Variants in GLYCTK observed in about 807,000 individuals in gnomAD.
GLYCTK encodes the protein HBeAg binding protein 4.
A neutral mutation model predicts 24.8 loss-of-function variants in GLYCTK; 22 were observed. The observed-to-expected ratio is 0.89, with a 90% confidence interval of 0.63 to 1.27. The LOEUF (loss-of-function observed/expected upper bound fraction) is 1.27, where lower values mean the gene tolerates loss of function less well. Ranked by LOEUF, GLYCTK falls within the 50% of genes most tolerant of loss-of-function variation. The probability of loss-of-function intolerance (pLI) is 0.00; values close to 1 mark genes in which losing one functional copy is unlikely to be tolerated. For synonymous variants in GLYCTK, 320 were observed against 297.2 expected, an observed-to-expected ratio of 1.08 and a Z score of -0.79; for missense variants, 684 against 686.7, an observed-to-expected ratio of 1.00 and a Z score of 0.04.
rs761715128 is a variant in GLYCTK, at chr3:52,293,765, C to T, written c.*639C>T. The T allele has an allele frequency of 1.3e-5, 6 of 453,550 alleles. No individual in the cohort carries two copies. The highest frequency in any genetic ancestry group is 1.6e-5 in the South Asian group (1 of 64,436). The allele number at this position is 453,550 out of a possible 1,614,324, so 28.1% of individuals were successfully genotyped here. On this transcript the variant is annotated 3_prime_UTR_variant, in exon 5 of 5. Coordinates refer to ENST00000436784, the MANE Select transcript of GLYCTK (RefSeq NM_145262.4). ...GTGACCAGCCACCCACCCACCCAAC[C>T]ATGACTCCACCATGGCACTGTCACC...
In GLYCTK at chr3:52,290,552, G is replaced by A; in HGVS notation, c.210G>A (p.Val70=). The A allele has an allele frequency of 3.1e-6, 5 of 1,613,764 alleles. No homozygotes were observed. The highest frequency in any genetic ancestry group is 4.2e-6 in the Non-Finnish European group (5 of 1,180,036). Residue 70 remains valine (V), a synonymous_variant, in exon 2 of 5, where the codon GTG becomes GTA. Coordinates refer to ENST00000436784, the MANE Select transcript of GLYCTK (RefSeq NM_145262.4). ...ACCCTGGTGGCAGACAGCTGAAGGT[G>A]CGGGACCGGAACTTTCAGCTGAGGC... ...SLDPGGRQLK[V]RDRNFQLRQN... is the part of the protein sequence containing the mutation.
At position 52,294,349 on chromosome 3, in the gene GLYCTK, C is replaced by T. The variant is rs750758592; in HGVS notation, c.*1223C>T. The T allele has an allele frequency of 7.5e-6, 4 of 533,970 alleles. No individual in the cohort carries two copies. Among genetic ancestry groups the T allele is most frequent in the Non-Finnish European group, 1.5e-5 (4 of 259,946 alleles). The allele number at this position is 533,970 out of a possible 1,614,324, so 33.1% of individuals were successfully genotyped here. A position where few individuals can be genotyped will look rare whatever the true frequency, so the allele number is the denominator to read the frequency against. On this transcript the variant is annotated 3_prime_UTR_variant, in exon 5 of 5. Transcript: ENST00000436784. ...GGCACTTCTTCCACCCCAACCCTCCCCTCCTCCCTGAGGGTGTGGAGGGGC... is the reference window on the plus strand; with the variant it reads ...GGCACTTCTTCCACCCCAACCCTCCTCTCCTCCCTGAGGGTGTGGAGGGGC...
chr3:52,288,619 T>A (rs1486340071), intron 1 of GLYCTK: 1 of 152,240 alleles, frequency 6.6e-6, no homozygotes, highest in Non-Finnish European at 1.5e-5. Flanking sequence ...AAATTCAAAT[T>A]TAACCGGAAG....
At position 52,293,150 on chromosome 3, in the gene GLYCTK, T is replaced by G; in HGVS notation, c.*24T>G. 1 of 1,612,252 alleles carries G rather than the reference T, an allele frequency of 6.2e-7. No individual in the cohort carries two copies. The highest frequency in any genetic ancestry group is 1.6e-4 in the Middle Eastern group (1 of 6,062). ...GATGGCATAGGTCACATTTTGGGAG[T>G]TCAGAGGAGGCCTACAAGGGCAAGG... On this transcript the variant is annotated 3_prime_UTR_variant, in exon 5 of 5. Coordinates refer to ENST00000436784, the MANE Select transcript of GLYCTK (RefSeq NM_145262.4).
In GLYCTK at chr3:52,292,561, C is replaced by A. The variant is rs1424253379; in HGVS notation, c.1007C>A (p.Ala336Asp). ...TACCAGGCTGTGGTGCTGAGTGCAG[C>A]CATGCAAGGTGATGTAAAAAGTATG... ...LGYQAVVLSA[A>D]MQGDVKSMAQ... The change falls in exon 5 of 5, where the codon GCC (alanine) becomes GAC (aspartate). Residue 336 changes from alanine (A) to aspartate (D), a missense_variant. Transcript: ENST00000436784. The A allele has an allele frequency of 6.2e-7, 1 of 1,613,890 alleles. No individual in the cohort carries two copies. Among genetic ancestry groups the A allele is most frequent in the African/African-American group, 1.3e-5 (1 of 74,948 alleles).
At position 52,294,925 on chromosome 3, in the gene GLYCTK, A is replaced by G. The variant is rs761267874; in HGVS notation, c.*1799A>G. On this transcript the variant is annotated 3_prime_UTR_variant, in exon 5 of 5. Transcript: ENST00000436784. ...AGTGGGAATGCATCTCTGAGTGTAC[A>G]CATAGATACTTAGTACAGGGCACAT... 4.4e-6 allele frequency: 2 copies of G among 454,118 alleles called. No individual in the cohort carries two copies. The highest frequency in any genetic ancestry group is 1.6e-5 in the South Asian group (1 of 64,480). 28.1% of individuals were successfully genotyped at this position (454,118 alleles called of 1,614,324 possible).
chr3:52,288,584 AC>A (rs1417693822), intron 1 of GLYCTK: 1 of 152,246 alleles, frequency 6.6e-6, no homozygotes, highest in African/African-American at 2.4e-5. Flanking sequence ...ACATACTTAT[AC>A]TTTAAAAATT....
Position 52,293,845 on chromosome 3 carries a change from T to C in GLYCTK, c.*719T>C. 6.6e-6 allele frequency: 3 copies of C among 454,122 alleles called. No individual in the cohort carries two copies. Among genetic ancestry groups the C allele is most frequent in the Non-Finnish European group, 1.3e-5 (3 of 226,772 alleles). The allele number at this position is 454,122 out of a possible 1,614,324, so 28.1% of individuals were successfully genotyped here. ...TCGTTGGATGGATGTCCTTTCTGTC[T>C]TTGGACAGCCCTTAGCCACATACTG... On this transcript the variant is annotated 3_prime_UTR_variant, in exon 5 of 5. Coordinates refer to ENST00000436784, the MANE Select transcript of GLYCTK (RefSeq NM_145262.4).
Position 52,292,958 on chromosome 3 carries a change from G to A in GLYCTK, c.1404G>A (p.Glu468=). Residue 468 remains glutamate, a synonymous_variant, in exon 5 of 5, where the codon GAG becomes GAA. Coordinates refer to ENST00000436784, the MANE Select transcript of GLYCTK (RefSeq NM_145262.4). ...TEAAGAWVTP[E]LASQAAAEGL... ...CTGCTGGGGCCTGGGTCACACCTGA[G>A]CTTGCCAGCCAGGCTGCAGCTGAGG... The A allele has an allele frequency of 6.2e-7, 1 of 1,614,076 alleles. No homozygotes were observed. Among genetic ancestry groups the A allele is most frequent in the Non-Finnish European group, 8.5e-7 (1 of 1,180,000 alleles).
At chr3:52,289,280 G>A (rs1295361958) in intron 1 of GLYCTK, 1 of 152,230 alleles carries the variant, frequency 6.6e-6, no homozygotes, top group Admixed American at 6.5e-5. Flanking sequence ...CAGATGAGCT[G>A]TTTGGGTCTT....
In GLYCTK at chr3:52,292,371, C is replaced by T. The variant is rs763764465; in HGVS notation, c.817C>T (p.Arg273Cys). The change falls in exon 5 of 5, where the codon CGC (arginine) becomes TGC (cysteine). Residue 273 changes from arginine (R) to cysteine (C), a missense_variant. Transcript: ENST00000436784. ...NVQDCLHILNRYGLRAALPRS... is the reference protein window; with the variant it reads ...NVQDCLHILNCYGLRAALPRS... ...GCAAGATTGCCTGCATATCCTCAAT[C>T]GCTACGGCCTCCGTGCAGCCCTGCC... The T allele has an allele frequency of 4.8e-5, 78 of 1,614,030 alleles. No homozygotes were observed. Among genetic ancestry groups the T allele is most frequent in the Admixed American group, 1.7e-4 (10 of 60,018 alleles).
In GLYCTK at chr3:52,294,446, G is replaced by A. The variant is rs1700581832; in HGVS notation, c.*1320G>A. ...CCCCACCTGGGCTCTGGGCAGCCTA[G>A]CTTGCAGACAGTTCATGACCTGGGG... is the stretch of plus-strand genomic sequence containing the variant. On this transcript the variant is annotated 3_prime_UTR_variant, in exon 5 of 5. Transcript: ENST00000436784. 1 of 440,174 alleles carries A rather than the reference G, an allele frequency of 2.3e-6. No homozygotes were observed. The highest frequency in any genetic ancestry group is 1.6e-5 in the South Asian group (1 of 61,378). The allele number at this position is 440,174 out of a possible 1,614,324, so 27.3% of individuals were successfully genotyped here. A position where few individuals can be genotyped will look rare whatever the true frequency, so the allele number is the denominator to read the frequency against.
chr3:52,292,289 G>A lies in GLYCTK; in HGVS notation c.735G>A (p.Val245=), dbSNP rs1226707555. The change falls in exon 5 of 5, where the codon GTG becomes GTA. Residue 245 remains valine (V), a synonymous_variant. Transcript: ENST00000436784. The part of the protein sequence containing the change: ...QVVSLILSDV[V]GDPVEVIASG... ...TGAGCCTCATCCTGTCAGATGTGGTGGGGGACCCTGTGGAGGTGATTGCCA... is the reference window on the plus strand; with the variant it reads ...TGAGCCTCATCCTGTCAGATGTGGTAGGGGACCCTGTGGAGGTGATTGCCA... 3.1e-6 allele frequency: 5 copies of A among 1,613,978 alleles called. No homozygotes were observed. Among genetic ancestry groups the A allele is most frequent in the South Asian group, 1.1e-5 (1 of 91,080 alleles).
rs1183962796 is a variant in GLYCTK at position 52,293,546 on chromosome 3, C to T, written c.*420C>T. 2.2e-6 allele frequency: 1 copy of T among 463,912 alleles called. No homozygotes were observed. Among genetic ancestry groups the T allele is most frequent in the Admixed American group, 2.3e-5 (1 of 42,812 alleles). 28.7% of individuals were successfully genotyped at this position (463,912 alleles called of 1,614,324 possible). A position where few individuals can be genotyped will look rare whatever the true frequency, so the allele number is the denominator to read the frequency against. ...CTGGGAGGGGAGCGTGGTACGGCTG[C>T]AGCCACAGTACCAGGGCCTGGCAGG... On this transcript the variant is annotated 3_prime_UTR_variant, in exon 5 of 5. Coordinates refer to ENST00000436784, the MANE Select transcript of GLYCTK (RefSeq NM_145262.4).
chr3:52,290,241 C>T (rs1489363833), intron 1 of GLYCTK, 63 bp from the exon 2 acceptor site: 18 of 1,388,344 alleles, frequency 1.3e-5, no homozygotes, highest in South Asian at 2.8e-5. Context: ...CTCAGAGGGG[C>T]GGCCGTGGGG....
rs1359034013 is a variant in GLYCTK at position 52,291,820 on chromosome 3, G to A, written c.603G>A (p.Leu201=). ...AGGAGAAGCAGACACTCACTAGACT[G>A]CTGGCAGCCCGTGGAGCCACCATCC... ...TLEEKQTLTR[L]LAARGATIQE... is the part of the protein sequence containing the mutation. Residue 201 remains leucine, a synonymous_variant, in exon 4 of 5, where the codon CTG becomes CTA. Coordinates refer to ENST00000436784, the MANE Select transcript of GLYCTK (RefSeq NM_145262.4). The A allele has an allele frequency of 5.0e-6, 8 of 1,613,784 alleles. No homozygotes were observed. The highest frequency in any genetic ancestry group is 6.8e-6 in the Non-Finnish European group (8 of 1,180,014).
rs1398344401 is a variant in GLYCTK, at chr3:52,295,074, T to C, written c.*1948T>C. Reference sequence around the variant, plus strand: ...AGGGGCTGGGAGGCCAGGGCCCGGATTGGACCCCATAGGGCCAAATGGTCT... The same window carrying C: ...AGGGGCTGGGAGGCCAGGGCCCGGACTGGACCCCATAGGGCCAAATGGTCT... On this transcript the variant is annotated 3_prime_UTR_variant, in exon 5 of 5. Coordinates refer to ENST00000436784, the MANE Select transcript of GLYCTK (RefSeq NM_145262.4). 3 of 453,952 alleles carry C rather than the reference T, an allele frequency of 6.6e-6. No individual in the cohort carries two copies. Among genetic ancestry groups the C allele is most frequent in the Non-Finnish European group, 1.3e-5 (3 of 226,786 alleles). The allele number at this position is 453,952 out of a possible 1,614,324, so 28.1% of individuals were successfully genotyped here. A position where few individuals can be genotyped will look rare whatever the true frequency, so the allele number is the denominator to read the frequency against.
In GLYCTK at chr3:52,289,566, C is replaced by T. The variant is rs1700394443; in HGVS notation, c.-39-738C>T. Among the ~76,000 whole-genome samples the T allele has an allele frequency of 2.0e-5, 3 of 152,258 alleles. No individual in the cohort carries two copies. In the South Asian group the frequency reaches 6.2e-4, roughly 32 times the overall value. ...TGTCCTGCAATTGGGCTTCATGGCA[C>T]ATGGCCTCACATGGTGCCTGGGGAC... is the stretch of plus-strand genomic sequence containing the variant. On this transcript the variant is annotated intron_variant, in intron 1 of 4. Transcript: ENST00000436784.
chr3:52,292,782 C>T lies in GLYCTK; in HGVS notation c.1228C>T (p.Pro410Ser). The change falls in exon 5 of 5, where the codon CCC becomes TCC. Residue 410 changes from proline to serine, a missense_variant. Transcript: ENST00000436784. ...AGTCTGCCTGCTGGCTGGTGGCGAG[C>T]CCACAGTACAGCTGCAGGGCTCGGG... is the stretch of plus-strand genomic sequence containing the variant. The part of the protein sequence containing the change: ...GPVCLLAGGE[P>S]TVQLQGSGRG... The T allele has an allele frequency of 6.2e-7, 1 of 1,607,220 alleles. No individual in the cohort carries two copies. Among genetic ancestry groups the T allele is most frequent in the Non-Finnish European group, 8.5e-7 (1 of 1,176,118 alleles).
Sources: allele counts gnomAD v4.1 joint callset (sites outside exome capture counted in the v4.1 genomes callset), GRCh38; gene constraint gnomAD v4.1.1; transcripts MANE v1.5; gene names NCBI Gene and HGNC (gene_info 2026-07-23, HGNC 2026-07-21).